Variants in SVEP1 observed in about 807,000 individuals in gnomAD.
SVEP1 encodes sushi, von Willebrand factor type A, EGF and pentraxin domain containing 1.
SVEP1 carries 164 observed loss-of-function variants against 367.3 expected under a neutral mutation model. The observed-to-expected ratio is 0.45, with a 90% CI of 0.39 to 0.51. SVEP1 has a LOEUF of 0.51. Among genes scored for constraint, SVEP1 ranks in the 20% least tolerant of loss-of-function variants. The probability of loss-of-function intolerance (pLI) is 0.00; values close to 1 mark genes in which losing one functional copy is unlikely to be tolerated. For missense variants in SVEP1, 4,117 were observed against 4,425.3 expected, an observed-to-expected ratio of 0.93 and a Z score of 1.98; for synonymous variants, 1,666 against 1,611.6, an observed-to-expected ratio of 1.03 and a Z score of -0.81.
At chr9:110,385,134 C>T (rs1002909214) in intron 43 of SVEP1, among the ~76,000 whole-genome samples, 1 of 152,150 alleles carries the variant, frequency 6.6e-6, no homozygotes, top group African/African-American at 2.4e-5. Context: ...GTGTGTGCCA[C>T]CACACCCAGC....
At chr9:110,458,622 C>T in intron 19 of SVEP1, 60 bp from the exon 20 acceptor site, 1 of 1,458,118 alleles carries the variant, frequency 6.9e-7, no homozygotes, top group South Asian at 1.2e-5. Context: ...TGGACTATAT[C>T]TAACACTATG....
intron 3 of SVEP1, among the ~76,000 whole-genome samples, chr9:110,529,888 A>G (rs1287072399): frequency 6.6e-5 from 10 of 152,114 alleles, no homozygotes; most frequent in Non-Finnish European, 1.3e-4. Flanking sequence ...GAGGACTTCC[A>G]GTACTATGCT....
At chr9:110,542,204 G>A (rs1319228262) in intron 3 of SVEP1, among the ~76,000 whole-genome samples, 1 of 152,118 alleles carries the variant, frequency 6.6e-6, no homozygotes, top group Non-Finnish European at 1.5e-5. Context: ...AGACAGCAGT[G>A]TGATATCTTG....
At chr9:110,471,682 T>TA (rs1829020226) in intron 15 of SVEP1, 85 bp from the exon 16 acceptor site, 3 of 966,950 alleles carry the variant, frequency 3.1e-6, no homozygotes, top group Non-Finnish European at 4.6e-6. Flanking sequence ...CAAACAGAAA[T>TA]ACTTAAAATC....
At position 110,431,917 on chromosome 9, in the gene SVEP1, GCA is replaced by G; in HGVS notation, c.5349_5350del (p.Ala1784ArgfsTer6). 6.2e-7 allele frequency: 1 copy of G among 1,613,480 alleles called. No individual in the cohort carries two copies. The highest frequency in any genetic ancestry group is 8.5e-7 in the Non-Finnish European group (1 of 1,179,590). On this transcript the variant is annotated frameshift_variant, in exon 32 of 48. Transcript: ENST00000374469. LOFTEE classifies it high-confidence loss of function. ...TTAGTTCTACATATATTGGTTACCT[GCA>G]CAGTTTTTCCCATCTCCTGTGTACG...
At chr9:110,507,298 G>T (rs1829640206) in intron 5 of SVEP1, among the ~76,000 whole-genome samples, 1 of 152,132 alleles carries the variant, frequency 6.6e-6, no homozygotes, top group Non-Finnish European at 1.5e-5. Context: ...TTCTGCATTT[G>T]CCAATTGTTC....
rs2118812571 is a variant in SVEP1 at position 110,529,084 on chromosome 9, T to C, written c.965-14978A>G. Among the ~76,000 whole-genome samples, 2 of 152,196 alleles carry C rather than the reference T, an allele frequency of 1.3e-5. 1 individual carries two copies. Among genetic ancestry groups the C allele is most frequent in the East Asian group, 3.9e-4 (2 of 5,180 alleles). ...AGAGACAGGTATCCAGTTTCATTCT[T>C]CTACATGTGGCTATCCAATTTTCCC... On this transcript the variant is annotated intron_variant, in intron 3 of 47. Coordinates refer to ENST00000374469, the MANE Select transcript of SVEP1 (RefSeq NM_153366.4).
At chr9:110,466,196 A>T (rs1424914493) in intron 17 of SVEP1, among the ~76,000 whole-genome samples, 170 bp from the exon 18 acceptor site, 5 of 152,224 alleles carry the variant, frequency 3.3e-5, no homozygotes, top group Non-Finnish European at 5.9e-5. Context: ...TGGCACCACC[A>T]TGCTTCTCTA....
chr9:110,507,341 A>T (rs1829640815), intron 5 of SVEP1, among the ~76,000 whole-genome samples: 1 of 152,234 alleles, frequency 6.6e-6, no homozygotes, highest in African/African-American at 2.4e-5. Context: ...CGTCAAAGAC[A>T]ACCTTAAAAT....
In SVEP1 at chr9:110,408,876, C is replaced by G; in HGVS notation, c.6724G>C (p.Val2242Leu). The stretch of plus-strand genomic sequence containing the variant: ...TGGCGATTGGCTTGGCAGACAAATA[C>G]AGGACTTCCGACTGACTTATAGCCC... ...NPGYKSVGSP[V>L]FVCQANRHWH... Residue 2242 changes from valine (V) to leucine (L), a missense_variant, in exon 38 of 48, where the codon GTA (valine) becomes CTA (leucine). Coordinates refer to ENST00000374469, the MANE Select transcript of SVEP1 (RefSeq NM_153366.4). 6.2e-7 allele frequency: 1 copy of G among 1,613,514 alleles called. No homozygotes were observed. Among genetic ancestry groups the G allele is most frequent in the Non-Finnish European group, 8.5e-7 (1 of 1,179,784 alleles).
At chr9:110,391,028 G>A (rs945211916) in intron 40 of SVEP1, among the ~76,000 whole-genome samples, 1 of 151,938 alleles carries the variant, frequency 6.6e-6, no homozygotes, top group East Asian at 1.9e-4. Flanking sequence ...ATCTCTAAAA[G>A]ATAAGAGCTC....
chr9:110,369,627 C>G (rs1281143542), intron 47 of SVEP1: 1 of 238,078 alleles, frequency 4.2e-6, no homozygotes, highest in Non-Finnish European at 8.0e-6. Context: ...TGTGTGTCAT[C>G]CTCTAGCATG....
Position 110,450,172 on chromosome 9 carries a change from CAAG to C in SVEP1, c.3987_3989del (p.Phe1329del), listed in dbSNP as rs1475028848. On this transcript the variant is annotated inframe_deletion, in exon 24 of 48. Coordinates refer to ENST00000374469, the MANE Select transcript of SVEP1 (RefSeq NM_153366.4). ...CCAAAAATCCAGGTGGGCATTTGCA[CAAG>C]AATCCCCCAACCTGGTCTTCACAGA... The C allele has an allele frequency of 6.2e-7, 1 of 1,613,876 alleles. No homozygotes were observed. The highest frequency in any genetic ancestry group is 8.5e-7 in the Non-Finnish European group (1 of 1,179,842).
At chr9:110,433,523 C>T (rs978511736) in intron 30 of SVEP1, among the ~76,000 whole-genome samples, 1 of 143,652 alleles carries the variant, frequency 7.0e-6, no homozygotes, top group Non-Finnish European at 1.5e-5. Flanking sequence ...AGCTGGAGTG[C>T]AGTGGTGCAA....
chr9:110,370,259 A>G (rs887052382), intron 46 of SVEP1, among the ~76,000 whole-genome samples: 3 of 152,040 alleles, frequency 2.0e-5, no homozygotes, highest in African/African-American at 7.2e-5. Flanking sequence ...AGTTCTACCT[A>G]CTTATTGAAG....
chr9:110,527,940 A>G (rs1043354225), intron 3 of SVEP1, among the ~76,000 whole-genome samples: 39 of 151,652 alleles, frequency 2.6e-4, no homozygotes, highest in African/African-American at 9.4e-4. Flanking sequence ...CCCGCTTATA[A>G]GTGAGAACAT....
intron 44 of SVEP1, 73 bp downstream of exon 44, chr9:110,379,274 C>A: frequency 6.6e-7 from 1 of 1,515,822 alleles, no homozygotes; most frequent in Non-Finnish European, 8.9e-7. Flanking sequence ...ATATTAATTG[C>A]TGGACAAATC....
chr9:110,408,128 G>A lies in SVEP1; in HGVS notation c.7472C>T (p.Pro2491Leu). The change falls in exon 38 of 48, where the codon CCA becomes CTA. Residue 2491 changes from proline (P) to leucine (L), a missense_variant. Coordinates refer to ENST00000374469, the MANE Select transcript of SVEP1 (RefSeq NM_153366.4). ...CAGGCACTCAATGGCTTTACATGTTGGTTTTCCTCCAAGCCAGTGACCATT... is the reference window on the plus strand; with the variant it reads ...CAGGCACTCAATGGCTTTACATGTTAGTTTTCCTCCAAGCCAGTGACCATT... ...GENGHWLGGK[P>L]TCKAIECLKP... 1.2e-6 allele frequency: 2 copies of A among 1,613,802 alleles called. No individual in the cohort carries two copies. The highest frequency in any genetic ancestry group is 1.7e-6 in the Non-Finnish European group (2 of 1,179,822).
chr9:110,448,017 T>C (rs1828630140), intron 24 of SVEP1, among the ~76,000 whole-genome samples: 1 of 152,214 alleles, frequency 6.6e-6, no homozygotes, highest in Non-Finnish European at 1.5e-5. Context: ...TTATGTAACA[T>C]GTAACTTATA....
Sources: allele counts gnomAD v4.1 joint callset (sites outside exome capture counted in the v4.1 genomes callset), GRCh38; gene constraint gnomAD v4.1.1; transcripts MANE v1.5; gene names NCBI Gene and HGNC (gene_info 2026-07-23, HGNC 2026-07-21).